Variants in M1AP observed in about 807,000 individuals in gnomAD.
M1AP encodes the protein meiosis 1 associated protein.
In M1AP, 39 loss-of-function variants were observed where a neutral mutation model predicts 51.2. The observed-to-expected ratio is 0.76, with a 90% CI of 0.59 to 1.00. M1AP has a LOEUF of 1.00. Ranked by LOEUF, M1AP falls within the 50% of genes least tolerant of loss-of-function variation. The probability of loss-of-function intolerance (pLI) is 0.00; values close to 1 mark genes in which losing one functional copy is unlikely to be tolerated. For synonymous variants in M1AP, 251 were observed against 249.2 expected (o/e 1.01, Z -0.07); for missense variants, 545 against 641.2 (o/e 0.85, Z 1.62).
intron 2 of M1AP, chr2:74,620,929 T>C: frequency 5.6e-6 from 1 of 177,684 alleles, no homozygotes. Context: ...AGCTTCTCCT[T>C]CAAATCCAGC....
At chr2:74,626,364 G>A (rs1039782595) in intron 2 of M1AP, among the ~76,000 whole-genome samples, 5 of 148,718 alleles carry the variant, frequency 3.4e-5, no homozygotes, top group African/African-American at 1.0e-4. Flanking sequence ...GGATCCCCTC[G>A]CCTCAGCCAC....
intron 4 of M1AP, among the ~76,000 whole-genome samples, chr2:74,587,607 G>T (rs975464707): frequency 4.6e-5 from 7 of 152,098 alleles, no homozygotes; most frequent in Non-Finnish European, 8.8e-5. Flanking sequence ...TCACAAATAC[G>T]ACTAAATGTG....
rs148555190 is a variant in M1AP, at chr2:74,600,238, A to G, written c.595+6817T>C. ...CCTTAGTTTTTTCATCTAGATAAAC[A>G]AGGATTAAATAAGATAATATGTAGA... On this transcript the variant is annotated intron_variant, in intron 4 of 10. Coordinates refer to ENST00000421985, the MANE Select transcript of M1AP (RefSeq NM_001321739.2). 8.5e-5 allele frequency among the ~76,000 whole-genome samples: 13 copies of G among 152,374 alleles called. No homozygotes were observed. The East Asian group carries it at 2.3e-3, about 27-fold the overall frequency.
chr2:74,627,628 T>C (rs775163048), intron 2 of M1AP, among the ~76,000 whole-genome samples: 2 of 152,140 alleles, frequency 1.3e-5, no homozygotes, highest in African/African-American at 4.8e-5. Flanking sequence ...ATCTTTTCTG[T>C]AAAATAAATA....
intron 7 of M1AP, among the ~76,000 whole-genome samples, chr2:74,565,768 G>A (rs980849511): frequency 1.3e-5 from 2 of 151,042 alleles, no homozygotes; most frequent in Admixed American, 1.3e-4. Flanking sequence ...GGCGGAGGTT[G>A]CAGTGAGCCG....
chr2:74,640,979 G>A (rs1226603662), intron 1 of M1AP, among the ~76,000 whole-genome samples: 1 of 152,126 alleles, frequency 6.6e-6, no homozygotes. Context: ...CCACTATATT[G>A]TAAGCTTCCC....
At chr2:74,643,076 A>G (rs549793620) in intron 1 of M1AP, among the ~76,000 whole-genome samples, 1 of 152,248 alleles carries the variant, frequency 6.6e-6, no homozygotes, top group East Asian at 1.9e-4. Flanking sequence ...ACTAATTATA[A>G]TAATTTATCT....
chr2:74,619,988 A>T (rs1681908278), intron 2 of M1AP, among the ~76,000 whole-genome samples: 1 of 152,238 alleles, frequency 6.6e-6, no homozygotes, highest in Admixed American at 6.5e-5. Context: ...ATTTTACTAT[A>T]TTTCTAGAGA....
intron 1 of M1AP, chr2:74,647,880 G>A: frequency 2.8e-6 from 1 of 362,516 alleles, no homozygotes; most frequent in Non-Finnish European, 3.8e-6. Context: ...GGCAACAAGG[G>A]TGAAACTCCG....
At chr2:74,561,202 G>GAGA (rs1677960087) in intron 8 of M1AP, among the ~76,000 whole-genome samples, 1 of 120,452 alleles carries the variant, frequency 8.3e-6, no homozygotes, top group African/African-American at 4.1e-5. Flanking sequence ...GGAGGAGAAG[G>GAGA]AGGAGGAGGA....
intron 4 of M1AP, among the ~76,000 whole-genome samples, chr2:74,600,752 A>G (rs1680627593): frequency 6.6e-6 from 1 of 152,232 alleles, no homozygotes; most frequent in South Asian, 2.1e-4. Context: ...ATTATGTTAC[A>G]TGAAAACAAA....
intron 4 of M1AP, among the ~76,000 whole-genome samples, chr2:74,587,183 T>C (rs1293576497): frequency 6.6e-6 from 1 of 151,770 alleles, no homozygotes; most frequent in Non-Finnish European, 1.5e-5. Context: ...AGGATAATAA[T>C]ATATTTTCCT....
At chr2:74,560,902 T>C (rs1677880112) in intron 8 of M1AP, among the ~76,000 whole-genome samples, 1 of 152,160 alleles carries the variant, frequency 6.6e-6, no homozygotes, top group African/African-American at 2.4e-5. Flanking sequence ...TTGTCCTTGC[T>C]GCATTTAAGC....
At chr2:74,585,013 T>C (rs557227105) in intron 4 of M1AP, among the ~76,000 whole-genome samples, 23 of 151,828 alleles carry the variant, frequency 1.5e-4, no homozygotes, top group African/African-American at 5.6e-4. Flanking sequence ...TGGCTAATTT[T>C]TGTATTTTTT....
At chr2:74,605,498 C>T (rs189944434) in intron 4 of M1AP, among the ~76,000 whole-genome samples, 26 of 152,222 alleles carry the variant, frequency 1.7e-4, no homozygotes, top group African/African-American at 5.8e-4. Flanking sequence ...GAGATCTAAC[C>T]TTTTAACACA....
chr2:74,636,088 T>C (rs1682975335), intron 2 of M1AP, among the ~76,000 whole-genome samples: 1 of 152,100 alleles, frequency 6.6e-6, no homozygotes, highest in African/African-American at 2.4e-5. Flanking sequence ...GATTTATCTA[T>C]TTCTTCTTTT....
chr2:74,636,842 G>C (rs1169431391), intron 2 of M1AP, among the ~76,000 whole-genome samples: 1 of 152,052 alleles, frequency 6.6e-6, no homozygotes, highest in Non-Finnish European at 1.5e-5. Context: ...GACTCTCAAA[G>C]TGCTAAGATT....
In M1AP at chr2:74,558,779, G is replaced by C. The variant is rs1677682671; in HGVS notation, c.1530C>G (p.Ser510Arg). 3 of 1,612,174 alleles carry C rather than the reference G, an allele frequency of 1.9e-6. No individual in the cohort carries two copies. Among genetic ancestry groups the C allele is most frequent in the Admixed American group, 1.7e-5 (1 of 59,604 alleles). Residue 510 changes from serine (S) to arginine (R), a missense_variant, in exon 11 of 11, where the codon AGC becomes AGG. Coordinates refer to ENST00000421985, the MANE Select transcript of M1AP (RefSeq NM_001321739.2). ...PGRASKMPAASKSSSDAFFLP... is the reference protein window; with the variant it reads ...PGRASKMPAARKSSSDAFFLP... ...GGAAGAAGGCATCTGAGGAAGATTT[G>C]CTGGCTGCTGGCATCTTGGAGGCTC...
intron 7 of M1AP, among the ~76,000 whole-genome samples, chr2:74,571,079 G>C (rs1357313575): frequency 6.6e-6 from 1 of 152,164 alleles, no homozygotes; most frequent in African/African-American, 2.4e-5. Context: ...CATGTGATAG[G>C]GGAATGCTTC....
Sources: gnomAD v4.1 joint callset for allele counts (sites outside exome capture counted in the v4.1 genomes callset) on GRCh38, gnomAD v4.1.1 for gene constraint, MANE v1.5 for transcripts, NCBI Gene and HGNC (gene_info 2026-07-23, HGNC 2026-07-21) for gene names.